FOXP1: variants seen among roughly 807,000 people sequenced by gnomAD.
FOXP1 encodes the protein forkhead box P1.
Under a neutral mutation model 98.2 loss-of-function variants are expected in FOXP1, and 15 were observed. The observed-to-expected ratio is 0.15, with a 90% CI of 0.10 to 0.24. The LOEUF is 0.24. Among genes scored for constraint, FOXP1 ranks in the 10% least tolerant of loss-of-function variants. The pLI is 1.00. For missense variants in FOXP1, 633 were observed against 848.5 expected, an observed-to-expected ratio of 0.75 and a Z score of 3.15; for synonymous variants, 371 against 314.5, an observed-to-expected ratio of 1.18 and a Z score of -1.90.
intron 5 of FOXP1, among the ~76,000 whole-genome samples, chr3:71,273,235 G>A (rs539649916): frequency 2.0e-5 from 3 of 152,268 alleles, no homozygotes; most frequent in Non-Finnish European, 2.9e-5. Context: ...AAGAAATACT[G>A]GCAATGAGGC....
At chr3:71,496,972 G>GTT (rs2091463722) in intron 2 of FOXP1, among the ~76,000 whole-genome samples, 1 of 151,960 alleles carries the variant, frequency 6.6e-6, no homozygotes, top group African/African-American at 2.4e-5. Context: ...GTGTGTGTGT[G>GTT]TGTGTGTGTG....
At chr3:71,018,327 G>C (rs535339664) in intron 11 of FOXP1, among the ~76,000 whole-genome samples, 1 of 152,192 alleles carries the variant, frequency 6.6e-6, no homozygotes, top group Admixed American at 6.5e-5. Flanking sequence ...GAAGTCTAAA[G>C]AAACTCATAC....
At chr3:71,219,229 C>A (rs1357402686) in intron 5 of FOXP1, among the ~76,000 whole-genome samples, 2 of 152,188 alleles carry the variant, frequency 1.3e-5, no homozygotes, top group Non-Finnish European at 2.9e-5. Flanking sequence ...ACAAATGCAA[C>A]TCCTAGTCTG....
At chr3:71,579,758 T>A (rs753877443) in intron 2 of FOXP1, among the ~76,000 whole-genome samples, 18 of 151,304 alleles carry the variant, frequency 1.2e-4, no homozygotes, top group Admixed American at 7.3e-4. Flanking sequence ...AGTGTAGGAG[T>A]CTAATGTTGG....
At chr3:71,520,834 C>T (rs2042927067) in intron 2 of FOXP1, among the ~76,000 whole-genome samples, 1 of 152,206 alleles carries the variant, frequency 6.6e-6, no homozygotes, top group Non-Finnish European at 1.5e-5. Flanking sequence ...AAAGTATAAT[C>T]AGCAACGACA....
chr3:71,478,164 C>G (rs2090001054), intron 3 of FOXP1, among the ~76,000 whole-genome samples: 1 of 152,136 alleles, frequency 6.6e-6, no homozygotes, highest in African/African-American at 2.4e-5. Flanking sequence ...CGCTGAATCA[C>G]TCAAAAATTA....
At chr3:71,271,776 A>C (rs2070381063) in intron 5 of FOXP1, among the ~76,000 whole-genome samples, 1 of 152,218 alleles carries the variant, frequency 6.6e-6, no homozygotes, top group Admixed American at 6.5e-5. Flanking sequence ...GGAGACAAAG[A>C]GGAAAAACCT....
chr3:70,986,956 G>T (rs1038734976), intron 14 of FOXP1, among the ~76,000 whole-genome samples: 5 of 152,108 alleles, frequency 3.3e-5, no homozygotes, highest in African/African-American at 9.7e-5. Flanking sequence ...ACATATATGG[G>T]TGTATGTTTG....
intron 10 of FOXP1, among the ~76,000 whole-genome samples, chr3:71,044,962 T>TA (rs927150769): frequency 3.3e-5 from 5 of 151,732 alleles, no homozygotes; most frequent in East Asian, 1.9e-4. Flanking sequence ...ATCTCTCTGA[T>TA]AAAAAAAAAT....
chr3:71,193,080 T>C (rs1402776440), intron 6 of FOXP1, among the ~76,000 whole-genome samples: 1 of 152,168 alleles, frequency 6.6e-6, no homozygotes, highest in Non-Finnish European at 1.5e-5. Context: ...CAATTCCTGA[T>C]TCTCTCAGGT....
intron 6 of FOXP1, among the ~76,000 whole-genome samples, chr3:71,134,609 G>A (rs1321217749): frequency 1.3e-5 from 2 of 152,188 alleles, no homozygotes; most frequent in Non-Finnish European, 2.9e-5. Flanking sequence ...ATTATTTTAA[G>A]GTTAAGCTGG....
chr3:71,127,631 A>T lies in FOXP1; in HGVS notation c.181-14994T>A, dbSNP rs1234792494. On this transcript the variant is annotated intron_variant, in intron 6 of 20. Coordinates refer to ENST00000649528, the MANE Select transcript of FOXP1 (RefSeq NM_001349338.3). ...AGGGCTGACTATGTCACAGGAAAAA[A>T]TGCTTCTCATGATCTCTAGATCACA... 2.0e-5 allele frequency among the ~76,000 whole-genome samples: 3 copies of T among 152,176 alleles called. No individual in the cohort carries two copies. In the East Asian group the frequency reaches 5.8e-4, roughly 29 times the overall value.
intron 5 of FOXP1, among the ~76,000 whole-genome samples, chr3:71,226,458 TCCTGAAAATGCCC>T (rs2065842840): frequency 9.4e-6 from 1 of 106,790 alleles, no homozygotes; most frequent in Non-Finnish European, 2.5e-5. Context: ...CCGGCAGCCA[TCCTGAAAATGCCC>T]GTCACCTATG....
intron 3 of FOXP1, among the ~76,000 whole-genome samples, chr3:71,432,460 A>G (rs758585797): frequency 2.0e-5 from 3 of 152,096 alleles, no homozygotes; most frequent in Admixed American, 6.6e-5. Context: ...CCCTGGCCCA[A>G]TGACCCTCAT....
chr3:71,463,277 T>C (rs1330965315), intron 3 of FOXP1, among the ~76,000 whole-genome samples: 1 of 147,050 alleles, frequency 6.8e-6, no homozygotes, highest in Non-Finnish European at 1.5e-5. Flanking sequence ...GGCACGAGAA[T>C]TGCTTGAACC....
At chr3:71,359,687 A>G (rs543121398) in intron 3 of FOXP1, among the ~76,000 whole-genome samples, 1 of 152,304 alleles carries the variant, frequency 6.6e-6, no homozygotes, top group East Asian at 1.9e-4. Flanking sequence ...GTGCGCCACC[A>G]TGCCCAAATA....
At chr3:71,372,566 G>A (rs74389816) in intron 3 of FOXP1, among the ~76,000 whole-genome samples, 5 of 152,266 alleles carry the variant, frequency 3.3e-5, no homozygotes, top group East Asian at 1.9e-4. Context: ...GAAAGAAGCC[G>A]AGAGGGCAAA....
chr3:71,101,736 A>C (rs566710111), intron 7 of FOXP1, among the ~76,000 whole-genome samples: 5 of 152,160 alleles, frequency 3.3e-5, no homozygotes, highest in African/African-American at 1.2e-4. Context: ...TGAGTCTAAA[A>C]GCTTGGCAGC....
At chr3:71,224,274 C>T (rs190305680) in intron 5 of FOXP1, among the ~76,000 whole-genome samples, 25 of 152,224 alleles carry the variant, frequency 1.6e-4, no homozygotes, top group African/African-American at 5.8e-4. Flanking sequence ...GAACTGCATA[C>T]AGGGACTCAG....
Sources: gnomAD v4.1 joint callset for allele counts (sites outside exome capture counted in the v4.1 genomes callset) on GRCh38, gnomAD v4.1.1 for gene constraint, MANE v1.5 for transcripts, NCBI Gene and HGNC (gene_info 2026-07-23, HGNC 2026-07-21) for gene names.